Variants in PCDH15 observed in about 807,000 individuals in gnomAD.
PCDH15 encodes the protein protocadherin-15.
PCDH15 carries 129 observed loss-of-function variants against 178.5 expected under a neutral mutation model. That is an observed-to-expected ratio of 0.72 (90% confidence interval 0.63 to 0.84). PCDH15 has a LOEUF of 0.84. Among genes scored for constraint, PCDH15 ranks in the 40% least tolerant of loss-of-function variants. The probability of loss-of-function intolerance (pLI) is 0.00; values close to 1 mark genes in which losing one functional copy is unlikely to be tolerated. For synonymous variants in PCDH15, 800 were observed against 732.0 expected (o/e 1.09, Z -1.50); for missense variants, 2,230 against 2,099.9 (o/e 1.06, Z -1.21).
chr10:54,135,892 A>T (rs1455249906), intron 14 of PCDH15, among the ~76,000 whole-genome samples: 1 of 152,180 alleles, frequency 6.6e-6, no homozygotes, highest in Non-Finnish European at 1.5e-5. Flanking sequence ...CAGCATAAAG[A>T]TGAAATAAGT....
intron 32 of PCDH15, chr10:53,821,522 A>C: frequency 9.5e-7 from 1 of 1,054,962 alleles, no homozygotes; most frequent in Non-Finnish European, 1.1e-6. Context: ...ATGTTACTGC[A>C]TCCACATGAT....
At position 54,378,803 on chromosome 10, in the gene PCDH15, G is replaced by A. The variant is rs762026724; in HGVS notation, c.297C>T (p.Thr99=). ...TAACATCTCTATCCAGAACTCTTCC[G>A]GTGCTGTTCAGGAAAAGCATTTGCT... The part of the protein sequence containing the change: ...PVKQMLFLNS[T]GRVLDRDPPM... Residue 99 remains threonine (T), a synonymous_variant, in exon 4 of 38, where the codon ACC becomes ACT. Transcript: ENST00000644397. 8.7e-6 allele frequency: 14 copies of A among 1,613,612 alleles called. No homozygotes were observed. The highest frequency in any genetic ancestry group is 1.2e-5 in the Non-Finnish European group (14 of 1,179,806).
At chr10:55,398,394 A>T (rs891088971) in intron 2 of PCDH15, among the ~76,000 whole-genome samples, 12 of 152,140 alleles carry the variant, frequency 7.9e-5, no homozygotes, top group African/African-American at 2.9e-4. Context: ...TATTTTTCTG[A>T]TCCTGATCAG....
intron 2 of PCDH15, among the ~76,000 whole-genome samples, chr10:55,529,752 T>C (rs1841402977): frequency 8.1e-6 from 1 of 123,854 alleles, no homozygotes; most frequent in Non-Finnish European, 1.7e-5. Flanking sequence ...TATATATATA[T>C]ATATATATAT....
At chr10:54,437,693 A>G (rs1302949312) in intron 3 of PCDH15, among the ~76,000 whole-genome samples, 1 of 152,206 alleles carries the variant, frequency 6.6e-6, no homozygotes, top group African/African-American at 2.4e-5. Flanking sequence ...GTGGATGCAC[A>G]TAAACAGTTT....
intron 18 of PCDH15, among the ~76,000 whole-genome samples, chr10:54,026,145 T>G (rs1254866531): frequency 6.6e-6 from 1 of 151,838 alleles, no homozygotes; most frequent in Non-Finnish European, 1.5e-5. Context: ...CTAGGCTCAC[T>G]GCAACCTTCA....
In PCDH15 at chr10:53,810,662, T is replaced by A; in HGVS notation, c.4565A>T (p.Tyr1522Phe). 6.2e-7 allele frequency: 1 copy of A among 1,611,892 alleles called. No homozygotes were observed. The highest frequency in any genetic ancestry group is 8.5e-7 in the Non-Finnish European group (1 of 1,178,060). ...GCGACTCCCATATTGAGGCATTTCA[T>A]ACCTGTAATATAAACTTACATCTTT... is the stretch of plus-strand genomic sequence containing the variant. ...GQDYYSYEHG[Y>F]EMPQYGSRRR... The change falls in exon 37 of 38, where the codon TAT becomes TTT. Residue 1522 changes from tyrosine to phenylalanine, a missense_variant and splice_region_variant. By Grantham distance (22) the Tyr-to-Phe change is conservative. Transcript: ENST00000644397.
chr10:54,427,093 T>C (rs1388586997), intron 3 of PCDH15, among the ~76,000 whole-genome samples: 1 of 151,826 alleles, frequency 6.6e-6, no homozygotes, highest in East Asian at 1.9e-4. Flanking sequence ...TTTGTGAAGA[T>C]AGGCCTTTTC....
intron 1 of PCDH15, among the ~76,000 whole-genome samples, chr10:55,221,874 T>G (rs1450334385): frequency 6.7e-6 from 1 of 148,738 alleles, no homozygotes. Context: ...TTATCATTAT[T>G]TTTTTTTTTT....
intron 8 of PCDH15, among the ~76,000 whole-genome samples, chr10:54,306,150 T>C (rs2060456045): frequency 6.6e-6 from 1 of 151,978 alleles, no homozygotes; most frequent in Non-Finnish European, 1.5e-5. Context: ...AAAAATTTGA[T>C]GGTTTGATTA....
chr10:54,154,205 G>A (rs1019867847), intron 13 of PCDH15, among the ~76,000 whole-genome samples: 1 of 152,044 alleles, frequency 6.6e-6, no homozygotes, highest in African/African-American at 2.4e-5. Flanking sequence ...AGAATATAAA[G>A]GGATTCTAGC....
intron 27 of PCDH15, among the ~76,000 whole-genome samples, chr10:53,866,113 G>T (rs1012008317): frequency 5.3e-5 from 8 of 152,054 alleles, no homozygotes; most frequent in Admixed American, 5.2e-4. Flanking sequence ...ACTTAGTCAA[G>T]GCTAAACAAT....
chr10:55,070,192 G>A (rs1256926231), intron 2 of PCDH15, among the ~76,000 whole-genome samples: 3 of 152,020 alleles, frequency 2.0e-5, no homozygotes, highest in Non-Finnish European at 4.4e-5. Flanking sequence ...TTTGTCAGAT[G>A]AGTAGGTTGC....
intron 3 of PCDH15, among the ~76,000 whole-genome samples, chr10:54,420,958 C>T (rs1228649842): frequency 6.6e-6 from 1 of 152,018 alleles, no homozygotes; most frequent in Non-Finnish European, 1.5e-5. Flanking sequence ...TAGAGATAGG[C>T]TTTAATAGGC....
chr10:54,446,827 C>A (rs1246523862), intron 3 of PCDH15, among the ~76,000 whole-genome samples: 1 of 151,400 alleles, frequency 6.6e-6, no homozygotes, highest in East Asian at 1.9e-4. Context: ...CAATTGCAAA[C>A]TGCTGATGTA....
At chr10:55,318,271 G>C (rs990340503) in intron 1 of PCDH15, among the ~76,000 whole-genome samples, 2 of 152,074 alleles carry the variant, frequency 1.3e-5, no homozygotes, top group African/African-American at 4.8e-5. Flanking sequence ...GGGGGCAGGG[G>C]TGTGGATATC....
intron 10 of PCDH15, among the ~76,000 whole-genome samples, chr10:54,202,005 G>T (rs973213935): frequency 2.6e-5 from 4 of 152,132 alleles, no homozygotes; most frequent in African/African-American, 9.7e-5. Flanking sequence ...TAATCTTCTA[G>T]AAGGTTTATG....
intron 3 of PCDH15, among the ~76,000 whole-genome samples, chr10:54,853,501 T>C (rs959425700): frequency 2.7e-5 from 4 of 148,596 alleles, no homozygotes; most frequent in African/African-American, 9.9e-5. Flanking sequence ...CTGCTCCCAT[T>C]GTTGAATAAA....
chr10:54,992,150 T>C (rs1251727106), intron 2 of PCDH15, among the ~76,000 whole-genome samples: 1 of 152,176 alleles, frequency 6.6e-6, no homozygotes, highest in Non-Finnish European at 1.5e-5. Context: ...GAAAATGTAT[T>C]ATTAAATATT....
Sources: gnomAD v4.1 joint callset for allele counts (sites outside exome capture counted in the v4.1 genomes callset) on GRCh38, gnomAD v4.1.1 for gene constraint, MANE v1.5 for transcripts, NCBI Gene and HGNC (gene_info 2026-07-23, HGNC 2026-07-21) for gene names.